KCTD8: variants seen among roughly 807,000 people sequenced by gnomAD.
KCTD8 encodes the protein potassium channel tetramerization domain containing 8, also known as BTB/POZ domain-containing protein KCTD8.
Under a neutral mutation model 31.5 loss-of-function variants are expected in KCTD8, and 27 were observed. That is an observed-to-expected ratio of 0.86 (90% CI 0.63 to 1.18). The LOEUF (loss-of-function observed/expected upper bound fraction) is 1.18. Ranked by LOEUF, KCTD8 falls within the 50% of genes most tolerant of loss-of-function variation. The probability of loss-of-function intolerance (pLI) is 0.00; values close to 1 mark genes in which losing one functional copy is unlikely to be tolerated. For synonymous variants in KCTD8, 290 were observed against 280.0 expected (o/e 1.04, Z -0.36); for missense variants, 658 against 647.7 (o/e 1.02, Z -0.17).
intron 1 of KCTD8, among the ~76,000 whole-genome samples, chr4:44,319,912 C>T (rs1718243131): frequency 6.6e-6 from 1 of 152,030 alleles, no homozygotes; most frequent in Non-Finnish European, 1.5e-5. Flanking sequence ...TGGCTCATTC[C>T]TGTAATCCCA....
At chr4:44,266,946 GAGACTTTAAC>G (rs1716391222) in intron 1 of KCTD8, among the ~76,000 whole-genome samples, 1 of 151,914 alleles carries the variant, frequency 6.6e-6, no homozygotes, top group Admixed American at 6.6e-5. Context: ...ATAATAATGG[GAGACTTTAAC>G]ACCCCACTGT....
At chr4:44,259,171 G>A (rs1248795579) in intron 1 of KCTD8, among the ~76,000 whole-genome samples, 3 of 151,678 alleles carry the variant, frequency 2.0e-5, no homozygotes, top group African/African-American at 7.3e-5. Flanking sequence ...TCTCCAAGCA[G>A]TTTCTTTCCT....
At chr4:44,251,424 TTTAA>T (rs1353027990) in intron 1 of KCTD8, among the ~76,000 whole-genome samples, 5 of 151,730 alleles carry the variant, frequency 3.3e-5, no homozygotes, top group Non-Finnish European at 7.4e-5. Flanking sequence ...GACATCTTTA[TTTAA>T]TTGAGTCTTT....
At chr4:44,383,755 C>T (rs1720135636) in intron 1 of KCTD8, among the ~76,000 whole-genome samples, 2 of 151,926 alleles carry the variant, frequency 1.3e-5, no homozygotes, top group Non-Finnish European at 2.9e-5. Flanking sequence ...TGCTTCAGGA[C>T]ACTGGTCTGG....
At position 44,283,485 on chromosome 4, in the gene KCTD8, T is replaced by C. The variant is rs567254524; in HGVS notation, c.962-108235A>G. On this transcript the variant is annotated intron_variant, in intron 1 of 1. Coordinates refer to ENST00000360029, the MANE Select transcript of KCTD8 (RefSeq NM_198353.3). ...TCTTGTTAGGGTCTAATGCAGCTTATGATTTTAAGTTAAAGCCAACAGTCA... is the reference window on the plus strand; with the variant it reads ...TCTTGTTAGGGTCTAATGCAGCTTACGATTTTAAGTTAAAGCCAACAGTCA... Among the ~76,000 whole-genome samples the C allele has an allele frequency of 6.6e-5, 10 of 152,254 alleles. No individual in the cohort carries two copies. In the South Asian group the frequency reaches 1.9e-3, roughly 28 times the overall value.
intron 1 of KCTD8, among the ~76,000 whole-genome samples, chr4:44,324,051 A>C (rs1298494444): frequency 1.3e-5 from 2 of 149,040 alleles, no homozygotes; most frequent in Non-Finnish European, 3.0e-5. Flanking sequence ...AATTAAAAAA[A>C]AAAAAACAAA....
At chr4:44,352,917 G>T (rs1287698500) in intron 1 of KCTD8, among the ~76,000 whole-genome samples, 1 of 151,972 alleles carries the variant, frequency 6.6e-6, no homozygotes, top group Non-Finnish European at 1.5e-5. Context: ...CCAAAACTCA[G>T]GTTGTGCTTA....
At chr4:44,339,062 G>T (rs1184188444) in intron 1 of KCTD8, among the ~76,000 whole-genome samples, 1 of 151,970 alleles carries the variant, frequency 6.6e-6, no homozygotes, top group Admixed American at 6.6e-5. Flanking sequence ...AGAAATTTAG[G>T]GTTAATAAAG....
intron 1 of KCTD8, among the ~76,000 whole-genome samples, chr4:44,400,293 A>T (rs970851003): frequency 5.9e-5 from 9 of 152,184 alleles, no homozygotes; most frequent in African/African-American, 2.2e-4. Flanking sequence ...TTCTAAGTAT[A>T]AAATTTCATC....
rs188423531 is a variant in KCTD8, at chr4:44,207,949, T to G, written c.962-32699A>C. Among the ~76,000 whole-genome samples the G allele has an allele frequency of 1.2e-4, 19 of 152,224 alleles. No homozygotes were observed. In the East Asian group the frequency reaches 3.7e-3, roughly 29 times the overall value. On this transcript the variant is annotated intron_variant, in intron 1 of 1. Coordinates refer to ENST00000360029, the MANE Select transcript of KCTD8 (RefSeq NM_198353.3). Reference sequence around the variant, plus strand: ...TAAACACAGGCAGAGTAAGCAGGGATGAGAATCAAAGATGCAAAGACCTAG... The same window carrying G: ...TAAACACAGGCAGAGTAAGCAGGGAGGAGAATCAAAGATGCAAAGACCTAG...
At chr4:44,335,441 C>T (rs2109415030) in intron 1 of KCTD8, among the ~76,000 whole-genome samples, 1 of 152,074 alleles carries the variant, frequency 6.6e-6, no homozygotes, top group African/African-American at 2.4e-5. Context: ...TCCACATGTA[C>T]TTCCTGAACC....
intron 1 of KCTD8, among the ~76,000 whole-genome samples, chr4:44,324,930 C>T (rs1318457513): frequency 6.6e-6 from 1 of 151,968 alleles, no homozygotes; most frequent in African/African-American, 2.4e-5. Context: ...ACTGTCTTGA[C>T]ATCCCTGAAC....
intron 1 of KCTD8, among the ~76,000 whole-genome samples, chr4:44,363,101 G>A (rs933642919): frequency 8.6e-5 from 13 of 152,012 alleles, no homozygotes; most frequent in Non-Finnish European, 1.8e-4. Context: ...CAAGGAGCTG[G>A]AGGAATTAAA....
chr4:44,291,979 A>T (rs1420279516), intron 1 of KCTD8, among the ~76,000 whole-genome samples: 1 of 150,284 alleles, frequency 6.7e-6, no homozygotes, highest in East Asian at 1.9e-4. Context: ...AAAAAAAAAA[A>T]AAAACAGGTG....
chr4:44,365,264 A>C (rs1051536337), intron 1 of KCTD8, among the ~76,000 whole-genome samples: 3 of 152,142 alleles, frequency 2.0e-5, no homozygotes, highest in African/African-American at 7.2e-5. Flanking sequence ...TTTTCAATAA[A>C]AAAAATTGTG....
intron 1 of KCTD8, among the ~76,000 whole-genome samples, chr4:44,196,405 T>C (rs924272062): frequency 1.3e-5 from 2 of 152,202 alleles, no homozygotes; most frequent in Non-Finnish European, 2.9e-5. Context: ...AATTGTGTAA[T>C]TTTGGTGATT....
intron 1 of KCTD8, among the ~76,000 whole-genome samples, chr4:44,366,442 T>C (rs1197539593): frequency 2.6e-5 from 4 of 152,194 alleles, no homozygotes; most frequent in African/African-American, 9.7e-5. Context: ...CTCTATTTTC[T>C]GCTGCCATGT....
chr4:44,231,215 A>G (rs1351259099), intron 1 of KCTD8, among the ~76,000 whole-genome samples: 1 of 152,114 alleles, frequency 6.6e-6, no homozygotes, highest in Non-Finnish European at 1.5e-5. Context: ...CAAAGATCAT[A>G]TATCTCACCT....
intron 1 of KCTD8, among the ~76,000 whole-genome samples, chr4:44,177,358 G>T (rs1358291094): frequency 6.6e-6 from 1 of 151,994 alleles, no homozygotes; most frequent in Non-Finnish European, 1.5e-5. Context: ...AGCTCTCTCT[G>T]TCTCCCTCTC....
Sources: allele counts gnomAD v4.1 joint callset (sites outside exome capture counted in the v4.1 genomes callset), GRCh38; gene constraint gnomAD v4.1.1; transcripts MANE v1.5; gene names NCBI Gene and HGNC (gene_info 2026-07-23, HGNC 2026-07-21).